The following KLF8 variants were observed in gnomAD, a reference collection of about 807,000 sequenced individuals.
KLF8 encodes the protein KLF transcription factor 8, also known as Krueppel-like factor 8.
In KLF8, 10 loss-of-function variants were observed where a neutral mutation model predicts 18.2. The observed-to-expected ratio is 0.55, with a 90% CI of 0.34 to 0.93. The LOEUF (loss-of-function observed/expected upper bound fraction) is 0.93. KLF8 is among the 40% of genes least tolerant of loss of function. The probability of loss-of-function intolerance (pLI) is 0.02; values close to 1 mark genes in which losing one functional copy is unlikely to be tolerated. For synonymous variants in KLF8, 109 were observed against 97.3 expected (o/e 1.12, Z -0.71); for missense variants, 264 against 277.9 (o/e 0.95, Z 0.36).
the KLF8 span, among the ~76,000 whole-genome samples, chrX:56,117,688 T>C: frequency 2.7e-5 from 3 of 112,461 alleles, no homozygotes; most frequent in Non-Finnish European, 5.6e-5. Flanking sequence ...CATTGGATCA[T>C]GTTTTTGATT....
the KLF8 span, among the ~76,000 whole-genome samples, chrX:56,071,223 T>A: frequency 1.8e-5 from 2 of 111,453 alleles, no homozygotes; most frequent in East Asian, 5.6e-4. Flanking sequence ...TACCAGAAGG[T>A]AATTAAAGGT....
At chrX:56,103,053 C>T in the KLF8 span, among the ~76,000 whole-genome samples, 2 of 110,014 alleles carry the variant, frequency 1.8e-5, no homozygotes, top group Non-Finnish European at 1.9e-5. Flanking sequence ...GGGCTCTGTT[C>T]TGTTCCATTG....
chrX:56,113,900 T>C, the KLF8 span, among the ~76,000 whole-genome samples: 1 of 111,032 alleles, frequency 9.0e-6, no homozygotes, highest in South Asian at 3.8e-4. Flanking sequence ...GCTAAGCAGG[T>C]GAGCTGTGCT....
chrX:55,931,117 AGT>A, the KLF8 span, among the ~76,000 whole-genome samples: 5 of 110,525 alleles, frequency 4.5e-5, no homozygotes, highest in East Asian at 1.4e-3. Flanking sequence ...GTCTTGGCAG[AGT>A]GTGTGTGTGT....
the KLF8 span, among the ~76,000 whole-genome samples, chrX:56,073,074 C>T: frequency 1.8e-5 from 2 of 109,062 alleles, no homozygotes; most frequent in Non-Finnish European, 3.8e-5. Flanking sequence ...GCAACCTCCG[C>T]CTCCCGGGTT....
chrX:56,199,652 T>C, the KLF8 span, among the ~76,000 whole-genome samples: 2 of 111,713 alleles, frequency 1.8e-5, no homozygotes, highest in Non-Finnish European at 3.8e-5. Flanking sequence ...ATTAGCTCAA[T>C]TATTGTCTAA....
chrX:56,073,282 C>T, the KLF8 span, among the ~76,000 whole-genome samples: 1 of 112,166 alleles, frequency 8.9e-6, no homozygotes, highest in Non-Finnish European at 1.9e-5. Flanking sequence ...CCACTGCGCC[C>T]GGCCAGCATT....
the KLF8 span, among the ~76,000 whole-genome samples, chrX:56,064,627 A>T: frequency 9.1e-6 from 1 of 109,672 alleles, no homozygotes; most frequent in East Asian, 2.8e-4. Flanking sequence ...GGGTTTGGTG[A>T]TTTTCTGTAG....
At chrX:56,241,044 T>TA (rs1346073190) in intron 1 of KLF8, among the ~76,000 whole-genome samples, 1 of 112,017 alleles carries the variant, frequency 8.9e-6, no homozygotes, top group Non-Finnish European at 1.9e-5. Context: ...TGCATAAAAA[T>TA]ATACATTGAG....
the KLF8 span, among the ~76,000 whole-genome samples, chrX:56,065,548 A>AT: frequency 1.8e-5 from 2 of 110,033 alleles, no homozygotes; most frequent in African/African-American, 3.3e-5. Flanking sequence ...AGATTTCATA[A>AT]TTTTTTTTCA....
the KLF8 span, among the ~76,000 whole-genome samples, chrX:56,102,219 A>ATTGCTCGTT: frequency 1.8e-5 from 2 of 111,001 alleles, no homozygotes; most frequent in Admixed American, 1.9e-4. Context: ...TCCTTTCCTT[A>ATTGCTCGTT]TTGCTCGTTT....
At chrX:55,912,322 C>T in the KLF8 span, among the ~76,000 whole-genome samples, 33 of 111,056 alleles carry the variant, frequency 3.0e-4, no homozygotes, top group Non-Finnish European at 1.1e-4. Flanking sequence ...AGGAATATAA[C>T]ACACTCCTAT....
intron 1 of KLF8, chrX:56,243,350 C>T: frequency 3.2e-6 from 1 of 309,936 alleles, no homozygotes; most frequent in South Asian, 3.8e-5. Context: ...CCTTCAAAGC[C>T]TTTGCTTTGG....
upstream of KLF8, among the ~76,000 whole-genome samples, chrX:56,229,882 G>A (rs765152263): frequency 8.9e-6 from 1 of 112,055 alleles, no homozygotes; most frequent in Admixed American, 9.5e-5. Flanking sequence ...CTGAATAGAT[G>A]AAAGAACAGA....
upstream of KLF8, among the ~76,000 whole-genome samples, chrX:56,230,669 A>G (rs987469451): frequency 8.9e-6 from 1 of 112,008 alleles, no homozygotes; most frequent in Non-Finnish European, 1.9e-5. Context: ...GATTGTCAGA[A>G]GGATTCAATG....
the KLF8 span, among the ~76,000 whole-genome samples, chrX:56,053,915 A>G: frequency 1.8e-5 from 2 of 110,437 alleles, no homozygotes; most frequent in South Asian, 3.8e-4. Context: ...CATTCTAGCT[A>G]GCTATGCACT....
the KLF8 span, among the ~76,000 whole-genome samples, chrX:56,005,185 G>A: frequency 5.4e-5 from 6 of 110,568 alleles, no homozygotes; most frequent in Non-Finnish European, 1.1e-4. Context: ...TGGGATTACA[G>A]GTGGTGGGAT....
chrX:55,927,112 G>T, the KLF8 span, among the ~76,000 whole-genome samples: 1 of 111,695 alleles, frequency 9.0e-6, no homozygotes, highest in Non-Finnish European at 1.9e-5. Flanking sequence ...TATTTTCTTG[G>T]GTTAGAAAAC....
chrX:56,027,652 T>A, the KLF8 span, among the ~76,000 whole-genome samples: 2 of 111,954 alleles, frequency 1.8e-5, no homozygotes, highest in Admixed American at 1.9e-4. Context: ...CCTGGACATC[T>A]TTCTCCTTGT....
Sources: gnomAD v4.1 joint callset for allele counts (sites outside exome capture counted in the v4.1 genomes callset) on GRCh38, gnomAD v4.1.1 for gene constraint, MANE v1.5 for transcripts, NCBI Gene and HGNC (gene_info 2026-07-23, HGNC 2026-07-21) for gene names.